CROCC2: variants seen among roughly 807,000 people sequenced by gnomAD.
CROCC2 encodes the protein ciliary rootlet coiled-coil, rootletin family member 2.
CROCC2 carries 163 observed loss-of-function variants against 177.6 expected under a neutral mutation model. That is an observed-to-expected ratio of 0.92 (90% confidence interval 0.81 to 1.05). The LOEUF is 1.05. CROCC2 is among the 50% of genes least tolerant of loss of function. The probability of loss-of-function intolerance (pLI) is 0.00; values close to 1 mark genes in which losing one functional copy is unlikely to be tolerated. For missense variants in CROCC2, 1,929 were observed against 1,797.8 expected, an observed-to-expected ratio of 1.07 and a Z score of -1.32; for synonymous variants, 904 against 787.3, an observed-to-expected ratio of 1.15 and a Z score of -2.48.
chr2:240,920,798 G>A (rs189519015), intron 3 of CROCC2, among the ~76,000 whole-genome samples: 12 of 152,300 alleles, frequency 7.9e-5, no homozygotes, highest in Admixed American at 2.0e-4. Context: ...CAGGGAAACC[G>A]AGGCAGAAAG....
At chr2:240,932,937 T>G in intron 9 of CROCC2, 29 bp downstream of exon 9, 1 of 1,542,054 alleles carries the variant, frequency 6.5e-7, no homozygotes. Context: ...CAGGACTCCC[T>G]GTCTCCCTGA....
rs1215183035 is a variant in CROCC2, at chr2:240,918,590, C to G, written c.79-136C>G. 9.1e-6 allele frequency: 4 copies of G among 441,142 alleles called. No individual in the cohort carries two copies. The highest frequency in any genetic ancestry group is 8.2e-5 in the African/African-American group (4 of 48,840). The allele number at this position is 441,142 out of a possible 1,614,324, so 27.3% of individuals were successfully genotyped here. A position where few individuals can be genotyped will look rare whatever the true frequency, so the allele number is the denominator to read the frequency against. ...GCATGCGCCTGAGTGACCTGCCCAG[C>G]CTCACCCTGTCCTCTCCAGGGCACT... is the stretch of plus-strand genomic sequence containing the variant. On this transcript the variant is annotated intron_variant, in intron 1 of 31. Coordinates refer to ENST00000690015, the MANE Select transcript of CROCC2 (RefSeq NM_001351305.2). This position sits in a 1 kb window ranked among gnomAD's most constrained non-coding sequence, Gnocchi z 6.3.
At chr2:240,988,640 A>G in intron 28 of CROCC2, 99 bp from the exon 29 acceptor site, 1 of 1,206,964 alleles carries the variant, frequency 8.3e-7, no homozygotes, top group Admixed American at 4.0e-5. Context: ...GGGAATTCAG[A>G]GTCCTTCCCA....
chr2:240,931,750 CAGGCAG>C (rs2059432768), intron 7 of CROCC2, among the ~76,000 whole-genome samples: 1 of 152,218 alleles, frequency 6.6e-6, no homozygotes, highest in South Asian at 2.1e-4. Context: ...ACCAGGCTGA[CAGGCAG>C]AAGCCCTCCC....
At chr2:240,991,593 G>T (rs890520589) in intron 31 of CROCC2, among the ~76,000 whole-genome samples, 5 of 152,214 alleles carry the variant, frequency 3.3e-5, no homozygotes, top group Non-Finnish European at 7.3e-5. Flanking sequence ...TGCAGCTGGT[G>T]CTGGACCATG....
At position 240,968,254 on chromosome 2, in the gene CROCC2, C is replaced by T. The variant is rs774216349; in HGVS notation, c.4393C>T (p.Arg1465Trp). The T allele has an allele frequency of 2.2e-5, 33 of 1,529,362 alleles. No homozygotes were observed. Among genetic ancestry groups the T allele is most frequent in the Admixed American group, 4.0e-5 (2 of 50,422 alleles). The allele number at this position is 1,529,362 out of a possible 1,614,324, so 94.7% of individuals were successfully genotyped here. ...SVRAAGQEKR[R>W]LQEQLETLRQ... ...GCGTGCGGCAGGCCAGGAGAAGCGG[C>T]GGCTGCAGGTGGGGCAGGCGGCAGG... The change falls in exon 27 of 32, where the codon CGG (arginine) becomes TGG (tryptophan). Residue 1465 changes from arginine to tryptophan, a missense_variant. Arg to Trp is a moderately radical substitution (Grantham distance 101). Transcript: ENST00000690015.
chr2:240,940,903 A>G (rs1163053029), intron 14 of CROCC2, among the ~76,000 whole-genome samples: 1 of 152,192 alleles, frequency 6.6e-6, no homozygotes, highest in East Asian at 1.9e-4. Context: ...GAGGAAGTCA[A>G]ACTCTCACTG....
chr2:240,910,105 GA>G (rs113404432), intron 1 of CROCC2, among the ~76,000 whole-genome samples: 13 of 152,256 alleles, frequency 8.5e-5, no homozygotes, highest in African/African-American at 3.1e-4. Flanking sequence ...CCCCACCCTG[GA>G]GCTGGAATTG....
At chr2:240,950,811 A>C (rs55978049) in intron 18 of CROCC2, 221,171 of 340,726 alleles carry the variant, frequency 0.65, 73,070 homozygotes, top group African/African-American at 0.82. Context: ...GTCCATTCAT[A>C]CACCCACCTA....
Position 240,934,373 on chromosome 2 carries a change from C to T in CROCC2, c.1689C>T (p.Leu563=). The change falls in exon 12 of 32, where the codon CTC becomes CTT. Residue 563 remains leucine, a synonymous_variant. Transcript: ENST00000690015. ...AGCTGGAGGAGAAGGTCTCCGGGCT[C>T]AGAGAGGAGCTGGCATCGGTCCGGG... ...LQQLEEKVSG[L]REELASVREA... The T allele has an allele frequency of 6.5e-7, 1 of 1,548,682 alleles. No individual in the cohort carries two copies. The highest frequency in any genetic ancestry group is 8.7e-7 in the Non-Finnish European group (1 of 1,146,868).
intron 20 of CROCC2, 69 bp downstream of exon 20, chr2:240,959,513 G>C: frequency 6.0e-6 from 9 of 1,511,052 alleles, no homozygotes; most frequent in Non-Finnish European, 7.1e-6. Flanking sequence ...GGTACCAAGA[G>C]AGGAGAGAGT....
chr2:240,989,574 A>G, intron 29 of CROCC2, 80 bp from the exon 30 acceptor site: 2 of 1,369,770 alleles, frequency 1.5e-6, no homozygotes, highest in Non-Finnish European at 2.0e-6. Context: ...CAGGTGAAAC[A>G]CCCTGTGGCA....
chr2:240,985,775 TCAGCACACACCCAGGCACCCACTCCAC>T, intron 28 of CROCC2: 1 of 260,550 alleles, frequency 3.8e-6, no homozygotes, highest in Non-Finnish European at 7.4e-6. Flanking sequence ...ACCCAGGCAC[TCAGCACACACCCAGGCACCCACTCCAC>T]ACACACCCAG....
intron 14 of CROCC2, among the ~76,000 whole-genome samples, chr2:240,939,542 G>A: frequency 6.6e-6 from 1 of 152,158 alleles, no homozygotes; most frequent in Admixed American, 6.5e-5. Flanking sequence ...TTTCCTGAAA[G>A]TGTGTGTGTA....
Position 240,958,933 on chromosome 2 carries a change from G to A in CROCC2, c.2944-368G>A, listed in dbSNP as rs1386411646. On this transcript the variant is annotated intron_variant, in intron 19 of 31. Coordinates refer to ENST00000690015, the MANE Select transcript of CROCC2 (RefSeq NM_001351305.2). The surrounding 1 kb of genome is among the most constrained non-coding windows in gnomAD (Gnocchi z 6.7). ...AGAGGACACCTCGGGTGGTGTGTGCGACAGGGAGCCGACTCCAGCTGAGCT... is the reference window on the plus strand; with the variant it reads ...AGAGGACACCTCGGGTGGTGTGTGCAACAGGGAGCCGACTCCAGCTGAGCT... 7 of 179,156 alleles carry A rather than the reference G, an allele frequency of 3.9e-5. No individual in the cohort carries two copies. Among genetic ancestry groups the A allele is most frequent in the South Asian group, 1.6e-4 (1 of 6,078 alleles). 11.1% of individuals were successfully genotyped at this position (179,156 alleles called of 1,614,324 possible). A position where few individuals can be genotyped will look rare whatever the true frequency, so the allele number is the denominator to read the frequency against.
intron 5 of CROCC2, among the ~76,000 whole-genome samples, chr2:240,928,798 G>A (rs952360555): frequency 6.9e-6 from 1 of 145,020 alleles, no homozygotes; most frequent in Middle Eastern, 3.6e-3. Context: ...AGGGGTAACG[G>A]GCTCAGAGGA....
chr2:240,907,792 TGGGGTGAG>T (rs2059266312), intron 1 of CROCC2, among the ~76,000 whole-genome samples: 1 of 139,778 alleles, frequency 7.2e-6, no homozygotes, highest in Non-Finnish European at 1.6e-5. Context: ...CTCCTCCACC[TGGGGTGAG>T]CTCTACCTCC....
chr2:240,916,784 G>A (rs963826157), intron 1 of CROCC2, among the ~76,000 whole-genome samples: 5 of 152,234 alleles, frequency 3.3e-5, no homozygotes, highest in African/African-American at 7.2e-5. Flanking sequence ...GAGGGAGGGC[G>A]GGGCAGAGCC....
Position 240,929,307 on chromosome 2 carries a change from C to G in CROCC2, c.646-859C>G, listed in dbSNP as rs188946696. Among the ~76,000 whole-genome samples the G allele has an allele frequency of 2.5e-3, 386 of 152,156 alleles. 3 individuals carry two copies. Among genetic ancestry groups the G allele is most frequent in the African/African-American group, 9.3e-3 (384 of 41,500 alleles). On this transcript the variant is annotated intron_variant, in intron 5 of 31. Transcript: ENST00000690015. ...ATGTGAGTGCTCTACCTGAAGGCAC[C>G]CTGGAGGAGCAGGGGTGGGGCTGTC... is the stretch of plus-strand genomic sequence containing the variant.
Sources: allele counts gnomAD v4.1 joint callset (sites outside exome capture counted in the v4.1 genomes callset), GRCh38; gene constraint gnomAD v4.1.1; non-coding constraint Gnocchi (gnomAD v3.1); transcripts MANE v1.5; gene names NCBI Gene and HGNC (gene_info 2026-07-23, HGNC 2026-07-21).